The following TENM3 variants were observed in gnomAD, a reference collection of about 807,000 sequenced individuals.
TENM3 encodes teneurin-3.
In TENM3, 63 loss-of-function variants were observed where a neutral mutation model predicts 255.1. The ratio of observed to expected loss-of-function variants is 0.25; its 90% CI spans 0.20 to 0.30. The LOEUF is 0.30. TENM3 is among the 10% of genes least tolerant of loss of function. TENM3 has a pLI of 1.00. For missense variants in TENM3, 2,929 were observed against 3,461.1 expected (o/e 0.85, Z 3.86); for synonymous variants, 1,306 against 1,322.3 (o/e 0.99, Z 0.27).
At chr4:182,595,784 C>A (rs1456915739) in intron 3 of TENM3, among the ~76,000 whole-genome samples, 1 of 151,580 alleles carries the variant, frequency 6.6e-6, no homozygotes, top group African/African-American at 2.4e-5. Context: ...TCTAAAATAT[C>A]TAAGAGCATT....
At chr4:182,330,187 C>A (rs894791070) in intron 2 of TENM3, among the ~76,000 whole-genome samples, 1 of 152,058 alleles carries the variant, frequency 6.6e-6, no homozygotes, top group Non-Finnish European at 1.5e-5. Context: ...GACAGATTAA[C>A]AAGAGAAATG....
At chr4:182,116,695 G>A in the TENM3 span, among the ~76,000 whole-genome samples, 1 of 152,176 alleles carries the variant, frequency 6.6e-6, no homozygotes, top group Non-Finnish European at 1.5e-5. Context: ...AGCAGCGTGA[G>A]AACAGACTAA....
chr4:181,953,104 A>T, the TENM3 span, among the ~76,000 whole-genome samples: 1 of 152,242 alleles, frequency 6.6e-6, no homozygotes, highest in Admixed American at 6.5e-5. Flanking sequence ...GGGTGACATC[A>T]CATTAATCAT....
At chr4:182,424,171 G>T (rs1369048487) in intron 3 of TENM3, among the ~76,000 whole-genome samples, 1 of 152,210 alleles carries the variant, frequency 6.6e-6, no homozygotes, top group African/African-American at 2.4e-5. Flanking sequence ...TTCTTTGGTT[G>T]CAGTATCTAC....
At chr4:181,501,655 G>A in the TENM3 span, among the ~76,000 whole-genome samples, 3 of 152,162 alleles carry the variant, frequency 2.0e-5, no homozygotes, top group Non-Finnish European at 4.4e-5. Flanking sequence ...TGAGATTACA[G>A]GCGTGAGCCA....
At chr4:182,353,722 C>T (rs576860624) in intron 3 of TENM3, among the ~76,000 whole-genome samples, 1 of 152,216 alleles carries the variant, frequency 6.6e-6, no homozygotes, top group East Asian at 1.9e-4. Context: ...AATCCCAGCA[C>T]TTTGGGAGGC....
the TENM3 span, among the ~76,000 whole-genome samples, chr4:182,093,291 G>A: frequency 6.6e-6 from 1 of 152,168 alleles, no homozygotes; most frequent in Admixed American, 6.5e-5. Context: ...GAATTATTGA[G>A]ACGGGAAGTT....
chr4:181,967,478 T>C, the TENM3 span, among the ~76,000 whole-genome samples: 2 of 152,184 alleles, frequency 1.3e-5, no homozygotes, highest in Non-Finnish European at 2.9e-5. Context: ...CCAATTCCTA[T>C]CACCGGTTTA....
chr4:181,592,685 G>A, the TENM3 span, among the ~76,000 whole-genome samples: 4 of 135,162 alleles, frequency 3.0e-5, no homozygotes, highest in East Asian at 2.1e-4. Flanking sequence ...TTTTGGTCTC[G>A]GTTGCCTCTC....
intron 3 of TENM3, among the ~76,000 whole-genome samples, chr4:182,438,722 G>C (rs1667930745): frequency 6.6e-6 from 1 of 152,124 alleles, no homozygotes; most frequent in African/African-American, 2.4e-5. Context: ...CTGTACTGAG[G>C]CTATCTTAGA....
the TENM3 span, among the ~76,000 whole-genome samples, chr4:181,505,074 G>A: frequency 6.6e-6 from 1 of 152,144 alleles, no homozygotes; most frequent in Non-Finnish European, 1.5e-5. Context: ...GTGTTGTCAT[G>A]CACATAATCT....
chr4:181,632,796 A>T, the TENM3 span, among the ~76,000 whole-genome samples: 298 of 152,216 alleles, frequency 2.0e-3, 3 homozygotes, highest in Middle Eastern at 6.8e-3. Flanking sequence ...ATTTTAAAGG[A>T]GGCCGTTAAG....
At chr4:182,065,197 T>C in the TENM3 span, among the ~76,000 whole-genome samples, 2 of 151,932 alleles carry the variant, frequency 1.3e-5, no homozygotes, top group Non-Finnish European at 2.9e-5. Flanking sequence ...ACCATGCCTA[T>C]CTAATTGTTG....
chr4:181,854,352 A>G, the TENM3 span, among the ~76,000 whole-genome samples: 9 of 152,184 alleles, frequency 5.9e-5, no homozygotes, highest in Non-Finnish European at 1.3e-4. Flanking sequence ...CCATGGCCTC[A>G]AGCAATCCGA....
chr4:181,603,938 G>A, the TENM3 span, among the ~76,000 whole-genome samples: 2 of 152,196 alleles, frequency 1.3e-5, no homozygotes, highest in African/African-American at 4.8e-5. Context: ...TAAAATAGAA[G>A]TCTTCGTTAA....
At chr4:182,154,218 G>C (rs546647937) in intron 1 of TENM3, among the ~76,000 whole-genome samples, 1 of 151,570 alleles carries the variant, frequency 6.6e-6, no homozygotes, top group East Asian at 1.9e-4. Context: ...AGAATAATTG[G>C]TATAAATGGC....
chr4:182,344,952 T>C (rs1036068228), intron 2 of TENM3, among the ~76,000 whole-genome samples: 2 of 152,218 alleles, frequency 1.3e-5, no homozygotes, highest in African/African-American at 4.8e-5. Flanking sequence ...GAGTCTCATC[T>C]CAGTGAGCTT....
the TENM3 span, among the ~76,000 whole-genome samples, chr4:181,535,500 C>T: frequency 0.02 from 3,060 of 152,278 alleles, 113 homozygotes; most frequent in African/African-American, 0.069. Context: ...CCTTAATAAA[C>T]AGGGTAATCC....
the TENM3 span, among the ~76,000 whole-genome samples, chr4:181,778,250 A>G: frequency 1.3e-3 from 192 of 152,288 alleles, 1 homozygote; most frequent in African/African-American, 4.4e-3. Context: ...ATGGCCTTTT[A>G]TCTGTGTTCT....
Sources: gnomAD v4.1 joint callset for allele counts (sites outside exome capture counted in the v4.1 genomes callset) on GRCh38, gnomAD v4.1.1 for gene constraint, MANE v1.5 for transcripts, NCBI Gene and HGNC (gene_info 2026-07-23, HGNC 2026-07-21) for gene names.